Variants in FLRT2 observed in about 807,000 individuals in gnomAD.
The protein encoded by FLRT2 is leucine-rich repeat transmembrane protein FLRT2.
FLRT2 carries 15 observed loss-of-function variants against 40.0 expected under a neutral mutation model. The ratio of observed to expected loss-of-function variants is 0.38; its 90% CI spans 0.25 to 0.58. The LOEUF (loss-of-function observed/expected upper bound fraction) is 0.58, where lower values mean the gene tolerates loss of function less well. Ranked by LOEUF, FLRT2 falls within the 20% of genes least tolerant of loss-of-function variation. The pLI is 0.71. For synonymous variants in FLRT2, 380 were observed against 336.8 expected (o/e 1.13, Z -1.41); for missense variants, 726 against 840.0 (o/e 0.86, Z 1.68).
intron 1 of FLRT2, among the ~76,000 whole-genome samples, chr14:85,550,048 AAAG>A (rs1257907185): frequency 6.6e-6 from 1 of 152,172 alleles, no homozygotes; most frequent in African/African-American, 2.4e-5. Context: ...GAAAAAAAAA[AAAG>A]AAATATTTTC....
chr14:85,541,901 C>CTGAGCTCAG (rs1417335661), intron 1 of FLRT2, among the ~76,000 whole-genome samples: 1 of 152,178 alleles, frequency 6.6e-6, no homozygotes, highest in Non-Finnish European at 1.5e-5. Flanking sequence ...GACTATGACA[C>CTGAGCTCAG]TGAGCTCAGT....
rs1003912045 is a variant in FLRT2 at position 85,628,159 on chromosome 14, A to G, written c.*4662A>G. On this transcript the variant is annotated 3_prime_UTR_variant, in exon 2 of 2. Transcript: ENST00000330753. ...AACTAAATTGTGTGTTCCTACGAAT[A>G]CCTTTTAGGTATGCACACATACACA... 6.6e-6 allele frequency: 1 copy of G among 152,146 alleles called. No individual in the cohort carries two copies. The highest frequency in any genetic ancestry group is 2.4e-5 in the African/African-American group (1 of 41,436). 9.4% of individuals were successfully genotyped at this position (152,146 alleles called of 1,614,324 possible).
chr14:85,563,509 G>A (rs181502245), intron 1 of FLRT2, among the ~76,000 whole-genome samples: 28 of 152,312 alleles, frequency 1.8e-4, no homozygotes, highest in East Asian at 5.8e-4. Context: ...GAAGAAGGGC[G>A]AAGGGGAAGC....
Position 85,653,251 on chromosome 14 carries a change from C to T in FLRT2, c.*29754C>T, listed in dbSNP as rs986686402. On this transcript the variant is annotated 3_prime_UTR_variant, in exon 2 of 2. Transcript: ENST00000330753. ...GTTTTGAGCAAAGTTGTAACCCTGC[C>T]CACAAAATAGCTTTGCTAGGGAACA... The T allele has an allele frequency of 1.7e-4, 26 of 151,978 alleles. No individual in the cohort carries two copies. Among genetic ancestry groups the T allele is most frequent in the African/African-American group, 6.3e-4 (26 of 41,380 alleles). The allele number at this position is 151,978 out of a possible 1,614,324, so 9.4% of individuals were successfully genotyped here.
Position 85,623,422 on chromosome 14 carries a change from C to T in FLRT2, c.1908C>T (p.Tyr636=), listed in dbSNP as rs1360070356. ...PIYTPNGGIN[Y]TDCHIPNNMR... The stretch of plus-strand genomic sequence containing the variant: ...ACACCCCAAATGGGGGCATTAATTA[C>T]ACAGACTGCCATATCCCCAACAACA... The change falls in exon 2 of 2, where the codon TAC becomes TAT. Residue 636 remains tyrosine, a synonymous_variant. Transcript: ENST00000330753. The T allele has an allele frequency of 2.0e-6, 3 of 1,501,134 alleles. No individual in the cohort carries two copies. The highest frequency in any genetic ancestry group is 4.6e-5 in the East Asian group (2 of 43,058). The allele number at this position is 1,501,134 out of a possible 1,614,324, so 93.0% of individuals were successfully genotyped here.
At chr14:85,582,407 T>C (rs563566312) in intron 1 of FLRT2, among the ~76,000 whole-genome samples, 33 of 152,262 alleles carry the variant, frequency 2.2e-4, no homozygotes, top group African/African-American at 7.7e-4. Context: ...ATACTACTAA[T>C]TGATTGTGAT....
intron 1 of FLRT2, among the ~76,000 whole-genome samples, chr14:85,615,791 A>T (rs1162246411): frequency 1.5e-5 from 1 of 64,666 alleles, no homozygotes. Flanking sequence ...GTCACAATTC[A>T]GCCAGTGCTG....
chr14:85,570,561 T>TTTTTTTTATTTA (rs1555367330), intron 1 of FLRT2, among the ~76,000 whole-genome samples: 2 of 139,298 alleles, frequency 1.4e-5, no homozygotes, highest in African/African-American at 2.7e-5. Flanking sequence ...TTTTTATTTA[T>TTTTTTTTATTTA]TTTATTTATT....
At chr14:85,552,013 A>G (rs1555365491) in intron 1 of FLRT2, among the ~76,000 whole-genome samples, 1 of 152,124 alleles carries the variant, frequency 6.6e-6, no homozygotes, top group Non-Finnish European at 1.5e-5. Context: ...AACTCTTGCC[A>G]TGAATTGGAC....
chr14:85,568,768 T>C (rs1890751756), intron 1 of FLRT2, among the ~76,000 whole-genome samples: 1 of 152,154 alleles, frequency 6.6e-6, no homozygotes, highest in Non-Finnish European at 1.5e-5. Flanking sequence ...ACCTTTCTTC[T>C]CTCACCTACT....
chr14:85,535,012 A>C (rs1759666174), intron 1 of FLRT2, among the ~76,000 whole-genome samples: 1 of 152,182 alleles, frequency 6.6e-6, no homozygotes, highest in South Asian at 2.1e-4. Context: ...TCTCTTGTAA[A>C]GCTTACAGTT....
In FLRT2 at chr14:85,647,724, C is replaced by G. The variant is rs1186044578; in HGVS notation, c.*24227C>G. Reference sequence around the variant, plus strand: ...TTTACAGAAACATCTCTAAGAACTTCCATGCTTTTTTGTCAAGTTAAATGG... The same window carrying G: ...TTTACAGAAACATCTCTAAGAACTTGCATGCTTTTTTGTCAAGTTAAATGG... On this transcript the variant is annotated 3_prime_UTR_variant, in exon 2 of 2. Coordinates refer to ENST00000330753, the MANE Select transcript of FLRT2 (RefSeq NM_013231.6). 1 of 152,120 alleles carries G rather than the reference C, an allele frequency of 6.6e-6. No homozygotes were observed. The highest frequency in any genetic ancestry group is 1.5e-5 in the Non-Finnish European group (1 of 68,034). 9.4% of individuals were successfully genotyped at this position (152,120 alleles called of 1,614,324 possible).
intron 1 of FLRT2, among the ~76,000 whole-genome samples, chr14:85,589,804 G>A (rs949859861): frequency 6.6e-6 from 1 of 152,116 alleles, no homozygotes; most frequent in Non-Finnish European, 1.5e-5. Flanking sequence ...AGGGATACAG[G>A]TCTATTTTCA....
intron 1 of FLRT2, among the ~76,000 whole-genome samples, chr14:85,589,465 C>T (rs1021524603): frequency 7.9e-5 from 12 of 152,006 alleles, no homozygotes; most frequent in African/African-American, 2.7e-4. Context: ...GGATTATTAG[C>T]TTTTTTCCTA....
chr14:85,635,713 G>T lies in FLRT2; in HGVS notation c.*12216G>T, dbSNP rs1204580973. 1 of 151,872 alleles carries T rather than the reference G, an allele frequency of 6.6e-6. No individual in the cohort carries two copies. 9.4% of individuals were successfully genotyped at this position (151,872 alleles called of 1,614,324 possible). A position where few individuals can be genotyped will look rare whatever the true frequency, so the allele number is the denominator to read the frequency against. On this transcript the variant is annotated 3_prime_UTR_variant, in exon 2 of 2. Coordinates refer to ENST00000330753, the MANE Select transcript of FLRT2 (RefSeq NM_013231.6). ...AACCTTGAACAAACATACAATTATG[G>T]TTTAAAAAAAAGAAAGATGAAAACT... is the stretch of plus-strand genomic sequence containing the variant.
chr14:85,635,611 A>G lies in FLRT2; in HGVS notation c.*12114A>G, dbSNP rs1893980588. ...GAAAGAATTATGAGAATAGCTAGAA[A>G]ATATTAAATAATAAATGTGGTTTAT... On this transcript the variant is annotated 3_prime_UTR_variant, in exon 2 of 2. Coordinates refer to ENST00000330753, the MANE Select transcript of FLRT2 (RefSeq NM_013231.6). 1.3e-5 allele frequency: 2 copies of G among 152,138 alleles called. No individual in the cohort carries two copies. Among genetic ancestry groups the G allele is most frequent in the Non-Finnish European group, 2.9e-5 (2 of 67,976 alleles). The allele number at this position is 152,138 out of a possible 1,614,324, so 9.4% of individuals were successfully genotyped here.
chr14:85,539,434 C>T (rs549845188), intron 1 of FLRT2, among the ~76,000 whole-genome samples: 3 of 152,152 alleles, frequency 2.0e-5, no homozygotes, highest in South Asian at 2.1e-4. Flanking sequence ...GCATTTCACT[C>T]TTCAGCATTA....
rs908917116 is a variant in FLRT2, at chr14:85,624,240, C to T, written c.*743C>T. The T allele has an allele frequency of 9.6e-5, 16 of 167,054 alleles. No homozygotes were observed. The highest frequency in any genetic ancestry group is 2.0e-4 in the Admixed American group (3 of 15,268). 10.3% of individuals were successfully genotyped at this position (167,054 alleles called of 1,614,324 possible). On this transcript the variant is annotated 3_prime_UTR_variant, in exon 2 of 2. Coordinates refer to ENST00000330753, the MANE Select transcript of FLRT2 (RefSeq NM_013231.6). ...AGAGTTAGAGACTTGAGTCTGATTT[C>T]AGTCATCTTCAGGGACCAGTCTGAT...
In FLRT2 at chr14:85,644,869, G is replaced by T. The variant is rs898834568; in HGVS notation, c.*21372G>T. 7 of 152,160 alleles carry T rather than the reference G, an allele frequency of 4.6e-5. No homozygotes were observed. The highest frequency in any genetic ancestry group is 8.8e-5 in the Non-Finnish European group (6 of 68,026). 9.4% of individuals were successfully genotyped at this position (152,160 alleles called of 1,614,324 possible). A position where few individuals can be genotyped will look rare whatever the true frequency, so the allele number is the denominator to read the frequency against. On this transcript the variant is annotated 3_prime_UTR_variant, in exon 2 of 2. Transcript: ENST00000330753. ...AACGGTGCATAAAATGTTTCAGGCAGATGGTCATGCAGTTTGTAAAACTTT... is the reference window on the plus strand; with the variant it reads ...AACGGTGCATAAAATGTTTCAGGCATATGGTCATGCAGTTTGTAAAACTTT...
Sources: gnomAD v4.1 joint callset for allele counts (sites outside exome capture counted in the v4.1 genomes callset) on GRCh38, gnomAD v4.1.1 for gene constraint, MANE v1.5 for transcripts, NCBI Gene and HGNC (gene_info 2026-07-23, HGNC 2026-07-21) for gene names.